Variants in TMEFF2 observed in about 807,000 individuals in gnomAD.
TMEFF2 encodes the protein transmembrane protein with EGF like and two follistatin like domains 2.
In TMEFF2, 28 loss-of-function variants were observed where a neutral mutation model predicts 53.8. That is an observed-to-expected ratio of 0.52 (90% CI 0.39 to 0.71). The LOEUF is 0.71. Among genes scored for constraint, TMEFF2 ranks in the 30% least tolerant of loss-of-function variants. The pLI, the probability that TMEFF2 is intolerant of heterozygous loss-of-function variation, is 0.00. For synonymous variants in TMEFF2, 162 were observed against 166.3 expected, an observed-to-expected ratio of 0.97 and a Z score of 0.20; for missense variants, 353 against 455.2, an observed-to-expected ratio of 0.78 and a Z score of 2.04.
intron 4 of TMEFF2, among the ~76,000 whole-genome samples, chr2:192,085,008 A>G (rs902404667): frequency 1.3e-5 from 2 of 152,190 alleles, no homozygotes; most frequent in Admixed American, 1.3e-4. Context: ...TTAAAAATTG[A>G]ACCAGCCTCC....
chr2:192,120,785 G>A (rs1453799514), intron 4 of TMEFF2, among the ~76,000 whole-genome samples: 2 of 151,258 alleles, frequency 1.3e-5, no homozygotes, highest in African/African-American at 4.9e-5. Flanking sequence ...CGCCCAGGCT[G>A]GAGTGCAATG....
At chr2:192,053,412 A>C (rs1687821407) in intron 5 of TMEFF2, among the ~76,000 whole-genome samples, 1 of 152,218 alleles carries the variant, frequency 6.6e-6, no homozygotes, top group Non-Finnish European at 1.5e-5. Flanking sequence ...GATTTAACCC[A>C]GTGGGAAAAT....
chr2:192,086,895 AAGTT>A (rs1011113151), intron 4 of TMEFF2, among the ~76,000 whole-genome samples: 34 of 152,052 alleles, frequency 2.2e-4, no homozygotes, highest in Non-Finnish European at 3.1e-4. Context: ...TGTATAATAA[AAGTT>A]AGGCATCATT....
intron 7 of TMEFF2, among the ~76,000 whole-genome samples, chr2:191,962,285 C>T (rs1032120144): frequency 3.3e-5 from 5 of 152,132 alleles, no homozygotes; most frequent in African/African-American, 9.7e-5. Context: ...ACAGAAATTC[C>T]TCTTCATTCC....
chr2:192,075,312 T>TATATATATATAAATATAA (rs1559115169), intron 4 of TMEFF2, among the ~76,000 whole-genome samples: 50 of 105,742 alleles, frequency 4.7e-4, no homozygotes, highest in Non-Finnish European at 7.7e-4. Flanking sequence ...TATATATATA[T>TATATATATATAAATATAA]ATATATATAT....
intron 5 of TMEFF2, among the ~76,000 whole-genome samples, chr2:192,029,684 T>C (rs1687066100): frequency 6.6e-6 from 1 of 152,236 alleles, no homozygotes; most frequent in African/African-American, 2.4e-5. Flanking sequence ...AGCTTTTATT[T>C]ATGCATTCTA....
In TMEFF2 at chr2:192,030,142, G is replaced by A. The variant is rs368801656; in HGVS notation, c.536+27537C>T. Among the ~76,000 whole-genome samples, 4 of 152,304 alleles carry A rather than the reference G, an allele frequency of 2.6e-5. No homozygotes were observed. In the East Asian group the frequency reaches 5.8e-4, roughly 22 times the overall value. On this transcript the variant is annotated intron_variant, in intron 5 of 9. Transcript: ENST00000272771. ...GGAAAAATAAGGTTATTCTCAGAAG[G>A]CTTGCATATCATAGTCAATAGTTTA...
intron 4 of TMEFF2, among the ~76,000 whole-genome samples, chr2:192,142,334 A>G (rs1020043137): frequency 1.3e-5 from 2 of 152,114 alleles, no homozygotes; most frequent in Admixed American, 1.3e-4. Context: ...TGGTTTGAAG[A>G]TCTGGCATAT....
intron 7 of TMEFF2, among the ~76,000 whole-genome samples, chr2:191,967,761 T>G (rs542127675): frequency 6.6e-6 from 1 of 152,264 alleles, no homozygotes; most frequent in Admixed American, 6.5e-5. Context: ...AGGTCTATCT[T>G]AGCTCCTCTC....
rs148108207 is a variant in TMEFF2 at position 192,054,784 on chromosome 2, G to A, written c.536+2895C>T. Among the ~76,000 whole-genome samples the A allele has an allele frequency of 3.3e-3, 508 of 151,940 alleles. 2 individuals are homozygous for A. Among genetic ancestry groups the A allele is most frequent in the African/African-American group, 0.011 (474 of 41,420 alleles). On this transcript the variant is annotated intron_variant, in intron 5 of 9. Coordinates refer to ENST00000272771, the MANE Select transcript of TMEFF2 (RefSeq NM_016192.4). ...AACAACCTTTAGTTACTTTCACCTC[G>A]TATCTTCATCTTGGTCCTGCCACTT...
intron 5 of TMEFF2, chr2:192,037,949 A>G (rs545843761): frequency 6.6e-6 from 1 of 152,248 alleles, no homozygotes; most frequent in African/African-American, 2.4e-5. Context: ...ACCTACCAAC[A>G]TATATTCGGC....
In TMEFF2 at chr2:192,050,430, CTA is replaced by C. The variant is rs372814171; in HGVS notation, c.536+7247_536+7248del. Among the ~76,000 whole-genome samples, 407 of 152,186 alleles carry C rather than the reference CTA, an allele frequency of 2.7e-3. 1 individual carries two copies. The highest frequency in any genetic ancestry group is 9.5e-3 in the African/African-American group (395 of 41,522). Reference sequence around the variant, plus strand: ...CACAGAAGACTCAAGGTTTTAAAGACTATTGTTTATTTTTATTTTTCAATTTT... The same window carrying C: ...CACAGAAGACTCAAGGTTTTAAAGACTTGTTTATTTTTATTTTTCAATTTT... On this transcript the variant is annotated intron_variant, in intron 5 of 9. Transcript: ENST00000272771.
chr2:192,170,424 A>AT (rs914194412), intron 4 of TMEFF2, among the ~76,000 whole-genome samples: 27 of 151,120 alleles, frequency 1.8e-4, no homozygotes, highest in South Asian at 4.2e-4. Context: ...AGAGTACACC[A>AT]TTTTTTTTTG....
chr2:191,956,358 C>G lies in TMEFF2; in HGVS notation c.766G>C (p.Glu256Gln). The G allele has an allele frequency of 6.2e-7, 1 of 1,613,584 alleles. No homozygotes were observed. Among genetic ancestry groups the G allele is most frequent in the Non-Finnish European group, 8.5e-7 (1 of 1,179,826 alleles). The part of the protein sequence containing the change: ...DYAENANKLE[E>Q]SAREHHIPCP... ...GGTATGTGGTGTTCTCTGGCACTTT[C>G]TTCTAATTTGTTAGCATTCTCTGTG... The change falls in exon 8 of 10, where the codon GAA becomes CAA. Residue 256 changes from glutamate to glutamine, a missense_variant. Glu to Gln is a conservative substitution (Grantham distance 29). Transcript: ENST00000272771.
intron 7 of TMEFF2, among the ~76,000 whole-genome samples, chr2:191,986,124 C>T (rs1685968876): frequency 6.6e-6 from 1 of 152,146 alleles, no homozygotes; most frequent in Non-Finnish European, 1.5e-5. Flanking sequence ...AGAATTTAGC[C>T]AGTTGTTTTT....
intron 4 of TMEFF2, among the ~76,000 whole-genome samples, chr2:192,122,148 T>C (rs1207322695): frequency 3.3e-5 from 5 of 152,162 alleles, no homozygotes; most frequent in African/African-American, 4.8e-5. Context: ...CAAGGTGTCA[T>C]ATGTGCCCCA....
intron 5 of TMEFF2, among the ~76,000 whole-genome samples, chr2:192,034,002 C>T (rs924125927): frequency 6.6e-6 from 1 of 151,784 alleles, no homozygotes; most frequent in African/African-American, 2.4e-5. Flanking sequence ...GGTGAAACCC[C>T]ATCTCTACTA....
At chr2:191,965,146 G>A (rs1692434103) in intron 7 of TMEFF2, among the ~76,000 whole-genome samples, 1 of 151,966 alleles carries the variant, frequency 6.6e-6, no homozygotes, top group Non-Finnish European at 1.5e-5. Flanking sequence ...CTTTTTATAG[G>A]TGATGAGGTG....
chr2:191,973,892 A>C (rs1272810742), intron 7 of TMEFF2, among the ~76,000 whole-genome samples: 1 of 152,148 alleles, frequency 6.6e-6, no homozygotes, highest in East Asian at 1.9e-4. Context: ...TGCTGTCACC[A>C]TGTGAAGAAG....
Sources: gnomAD v4.1 joint callset for allele counts (sites outside exome capture counted in the v4.1 genomes callset) on GRCh38, gnomAD v4.1.1 for gene constraint, MANE v1.5 for transcripts, NCBI Gene and HGNC (gene_info 2026-07-23, HGNC 2026-07-21) for gene names.